The following TEC variants were observed in gnomAD, a reference collection of about 807,000 sequenced individuals.
TEC encodes the protein tec protein tyrosine kinase.
Under a neutral mutation model 93.0 loss-of-function variants are expected in TEC, and 72 were observed. That is an observed-to-expected ratio of 0.77 (90% CI 0.64 to 0.94). The LOEUF (loss-of-function observed/expected upper bound fraction) is 0.94. TEC is among the 40% of genes least tolerant of loss of function. The pLI, the probability that TEC is intolerant of heterozygous loss-of-function variation, is 0.00. For synonymous variants in TEC, 249 were observed against 247.7 expected (o/e 1.01, Z -0.05); for missense variants, 630 against 757.9 (o/e 0.83, Z 1.98).
At position 48,176,127 on chromosome 4, in the gene TEC, C is replaced by T; in HGVS notation, c.198G>A (p.Lys66=). ...GACAGGGAATGACACCATCATCATT[C>T]TTCACTATTTCCACACACTTGATTT... ...VSKIKCVEIV[K]NDDGVIPCQN... is the part of the protein sequence containing the mutation. Residue 66 remains lysine, a synonymous_variant, in exon 3 of 18, where the codon AAG becomes AAA. Transcript: ENST00000381501. 6.2e-7 allele frequency: 1 copy of T among 1,613,950 alleles called. No individual in the cohort carries two copies. The highest frequency in any genetic ancestry group is 8.5e-7 in the Non-Finnish European group (1 of 1,179,926).
intron 2 of TEC, among the ~76,000 whole-genome samples, chr4:48,215,514 T>C (rs1723049650): frequency 6.6e-6 from 1 of 152,036 alleles, no homozygotes; most frequent in African/African-American, 2.4e-5. Context: ...CTCAAAAAAA[T>C]AATTAATTAA....
chr4:48,253,897 G>A (rs535728477), intron 1 of TEC, among the ~76,000 whole-genome samples: 3 of 151,994 alleles, frequency 2.0e-5, no homozygotes, highest in Non-Finnish European at 4.4e-5. Context: ...AATTTAATCT[G>A]AGTTCCCTTT....
intron 9 of TEC, among the ~76,000 whole-genome samples, chr4:48,155,613 A>G (rs944550358): frequency 2.6e-5 from 4 of 152,364 alleles, no homozygotes; most frequent in Middle Eastern, 6.8e-3. Flanking sequence ...TAGAGACAGC[A>G]GTATCTAAAA....
intron 7 of TEC, among the ~76,000 whole-genome samples, chr4:48,164,597 C>T (rs1720805105): frequency 1.3e-5 from 2 of 152,092 alleles, no homozygotes; most frequent in Non-Finnish European, 1.5e-5. Context: ...AGCTCTGTTG[C>T]ACTGAGAAAG....
intron 2 of TEC, among the ~76,000 whole-genome samples, chr4:48,185,057 C>G (rs1232919865): frequency 6.6e-6 from 1 of 152,162 alleles, no homozygotes. Context: ...TGAAAACACA[C>G]ACACACACAA....
intron 6 of TEC, 43 bp from the exon 7 acceptor site, chr4:48,167,996 G>A: frequency 6.3e-7 from 1 of 1,576,784 alleles, no homozygotes; most frequent in Non-Finnish European, 8.7e-7. Context: ...TCTTCTATAT[G>A]AAACTGATCA....
rs181047951 is a variant in TEC at position 48,229,800 on chromosome 4, G to A, written c.-45-1141C>T. On this transcript the variant is annotated intron_variant, in intron 1 of 17. Transcript: ENST00000381501. ...AAAAATAATAATAAATAGGCTGAGC[G>A]TGGTGGCTCACGCCTGTAATCCCAG... Among the ~76,000 whole-genome samples, 9 of 148,472 alleles carry A rather than the reference G, an allele frequency of 6.1e-5. No individual in the cohort carries two copies. In the East Asian group the frequency reaches 6.1e-4, roughly 10 times the overall value.
At chr4:48,248,615 G>A (rs1048665154) in intron 1 of TEC, among the ~76,000 whole-genome samples, 12 of 152,184 alleles carry the variant, frequency 7.9e-5, no homozygotes, top group Non-Finnish European at 1.6e-4. Flanking sequence ...TTTCTGGTTT[G>A]GGACTAAAGT....
chr4:48,172,325 G>A (rs769701417), intron 3 of TEC, among the ~76,000 whole-genome samples: 4 of 152,064 alleles, frequency 2.6e-5, no homozygotes, highest in Admixed American at 6.6e-5. Flanking sequence ...CCTTTGTCAC[G>A]TCCACACCCA....
Position 48,225,696 on chromosome 4 carries a change from GTTTCTTTTTT to G in TEC, c.138+2771_138+2780del, listed in dbSNP as rs542069272. On this transcript the variant is annotated intron_variant, in intron 2 of 17. Coordinates refer to ENST00000381501, the MANE Select transcript of TEC (RefSeq NM_003215.3). ...TTTTAAGAAGCCAGATTCTTACAAA[GTTTCTTTTTT>G]TTTCTTTTTTTTTCTTTTTTTTTTA... 3.3e-3 allele frequency among the ~76,000 whole-genome samples: 493 copies of G among 149,808 alleles called. 2 individuals carry two copies. The highest frequency in any genetic ancestry group is 8.7e-3 in the African/African-American group (354 of 40,490).
At chr4:48,246,240 C>T (rs373495894) in intron 1 of TEC, among the ~76,000 whole-genome samples, 40 of 151,896 alleles carry the variant, frequency 2.6e-4, no homozygotes, top group South Asian at 2.1e-3. Flanking sequence ...GATTTTTGCA[C>T]GGCAAACTAC....
intron 7 of TEC, among the ~76,000 whole-genome samples, chr4:48,164,389 C>A (rs1250246782): frequency 6.6e-6 from 1 of 152,110 alleles, no homozygotes; most frequent in Non-Finnish European, 1.5e-5. Flanking sequence ...TCCGATTTTA[C>A]CCCAAATGAC....
chr4:48,163,490 A>G lies in TEC; in HGVS notation c.737+212T>C, dbSNP rs140685194. Among the ~76,000 whole-genome samples, 320 of 152,334 alleles carry G rather than the reference A, an allele frequency of 2.1e-3. 1 individual carries two copies. Among genetic ancestry groups the G allele is most frequent in the Non-Finnish European group, 3.9e-3 (264 of 68,016 alleles). ...TTATGTAATTTATGTACATAAGCCTATGTAACTCCATTCACACAGTACCTT... is the reference window on the plus strand; with the variant it reads ...TTATGTAATTTATGTACATAAGCCTGTGTAACTCCATTCACACAGTACCTT... On this transcript the variant is annotated intron_variant, in intron 8 of 17. Transcript: ENST00000381501.
At chr4:48,214,203 C>T (rs1338272577) in intron 2 of TEC, among the ~76,000 whole-genome samples, 8 of 151,750 alleles carry the variant, frequency 5.3e-5, no homozygotes, top group African/African-American at 7.3e-5. Flanking sequence ...ATTATGTAGC[C>T]GGTGAGAAAA....
chr4:48,250,295 CT>C (rs956894597), intron 1 of TEC, among the ~76,000 whole-genome samples: 36 of 152,306 alleles, frequency 2.4e-4, no homozygotes, highest in African/African-American at 6.0e-4. Context: ...TCAGCATGTT[CT>C]TTGGACTGTA....
rs1239202320 is a variant in TEC at position 48,138,712 on chromosome 4, AC to A, written c.1764del (p.Lys588AsnfsTer10). 6.2e-7 allele frequency: 1 copy of A among 1,614,146 alleles called. No homozygotes were observed. The highest frequency in any genetic ancestry group is 8.5e-7 in the Non-Finnish European group (1 of 1,180,000). ...ACCTCATACACATAGTTGGACGCCA[AC>A]TTCGGCTGGTAGAGTCGGTGGCCTC... The part of the protein sequence containing the change: ...VTRGHRLYQP[K>X]LASNYVYEVM... On this transcript the variant is annotated frameshift_variant, in exon 17 of 18. Coordinates refer to ENST00000381501, the MANE Select transcript of TEC (RefSeq NM_003215.3). LOFTEE classifies it high-confidence loss of function.
chr4:48,164,111 T>A (rs1720783703), intron 7 of TEC, among the ~76,000 whole-genome samples: 1 of 152,214 alleles, frequency 6.6e-6, no homozygotes. Flanking sequence ...GACTAGCTCC[T>A]GTGCTCCTCC....
At chr4:48,201,896 G>A (rs1251793895) in intron 2 of TEC, among the ~76,000 whole-genome samples, 1 of 152,012 alleles carries the variant, frequency 6.6e-6, no homozygotes, top group Non-Finnish European at 1.5e-5. Context: ...GCTCACAAAG[G>A]CAGGGAGAGT....
intron 1 of TEC, among the ~76,000 whole-genome samples, chr4:48,240,572 A>G (rs1197463276): frequency 1.3e-5 from 2 of 152,090 alleles, no homozygotes; most frequent in Non-Finnish European, 2.9e-5. Context: ...AAATAAAACC[A>G]CAGTCTAATG....
Sources: gnomAD v4.1 joint callset for allele counts (sites outside exome capture counted in the v4.1 genomes callset) on GRCh38, gnomAD v4.1.1 for gene constraint, MANE v1.5 for transcripts, NCBI Gene and HGNC (gene_info 2026-07-23, HGNC 2026-07-21) for gene names.